The following ANKRD6 variants were observed in gnomAD, a reference collection of about 807,000 sequenced individuals.
ANKRD6 encodes ankyrin repeat domain 6, also known as ankyrin repeat domain-containing protein 6.
ANKRD6 carries 56 observed loss-of-function variants against 82.3 expected under a neutral mutation model. The observed-to-expected ratio is 0.68, with a 90% CI of 0.55 to 0.85. The LOEUF (loss-of-function observed/expected upper bound fraction) is 0.85, where lower values mean the gene tolerates loss of function less well. ANKRD6 is among the 40% of genes least tolerant of loss of function. The probability of loss-of-function intolerance (pLI) is 0.00; values close to 1 mark genes in which losing one functional copy is unlikely to be tolerated. For synonymous variants in ANKRD6, 347 were observed against 352.1 expected (o/e 0.99, Z 0.16); for missense variants, 852 against 907.6 (o/e 0.94, Z 0.79).
intron 1 of ANKRD6, among the ~76,000 whole-genome samples, chr6:89,477,725 T>C (rs1176581973): frequency 4.7e-5 from 7 of 148,044 alleles, no homozygotes; most frequent in Non-Finnish European, 8.9e-5. Context: ...GAGCCGAGAT[T>C]GTGCCACTGC....
intron 1 of ANKRD6, among the ~76,000 whole-genome samples, chr6:89,465,038 C>T (rs563643933): frequency 1.2e-4 from 18 of 152,132 alleles, no homozygotes; most frequent in African/African-American, 3.6e-4. Flanking sequence ...CTATTTGCTC[C>T]GAAAATTCTG....
chr6:89,537,536 A>G (rs1278202283), intron 1 of ANKRD6, among the ~76,000 whole-genome samples: 1 of 152,110 alleles, frequency 6.6e-6, no homozygotes, highest in Non-Finnish European at 1.5e-5. Flanking sequence ...AAGGAACTTA[A>G]TATGCTCTGA....
At chr6:89,598,833 G>C (rs1046736390) in intron 3 of ANKRD6, among the ~76,000 whole-genome samples, 1 of 152,126 alleles carries the variant, frequency 6.6e-6, no homozygotes, top group South Asian at 2.1e-4. Context: ...TGCTTTTGGG[G>C]CAGCTCTAGT....
chr6:89,454,656 C>A (rs1216787036), intron 1 of ANKRD6, among the ~76,000 whole-genome samples: 1 of 152,214 alleles, frequency 6.6e-6, no homozygotes, highest in African/African-American at 2.4e-5. Context: ...GTCATTGGGG[C>A]ACTGCTGTAG....
chr6:89,578,286 CTTTTTTTTTTTTTTTT>C (rs71024383), intron 2 of ANKRD6, among the ~76,000 whole-genome samples: 6 of 119,128 alleles, frequency 5.0e-5, no homozygotes, highest in East Asian at 4.9e-4. Context: ...CTCCCGCCTC[CTTTTTTTTTTTTTTTT>C]TTTTTTTTTT....
At chr6:89,626,924 A>T (rs985275228) in intron 13 of ANKRD6, among the ~76,000 whole-genome samples, 3 of 152,262 alleles carry the variant, frequency 2.0e-5, no homozygotes, top group African/African-American at 7.2e-5. Flanking sequence ...AGAGCCGGAT[A>T]AAAGCTCATT....
rs781508165 is a variant in ANKRD6, at chr6:89,596,010, A to G, written c.215A>G (p.Asp72Gly). The change falls in exon 3 of 16, where the codon GAT becomes GGT. Residue 72 changes from aspartate to glycine, a missense_variant. By Grantham distance (94) the Asp-to-Gly change is moderately conservative. Coordinates refer to ENST00000339746, the MANE Select transcript of ANKRD6 (RefSeq NM_001242809.2). ...LKAGCDLDVQDDGDQTALHRA... is the reference protein window; with the variant it reads ...LKAGCDLDVQGDGDQTALHRA... ...GCTGGCTGCGACCTTGATGTCCAGG[A>G]TGATGTGAGTAGAAGCCATCATTCT... 34 of 1,606,180 alleles carry G rather than the reference A, an allele frequency of 2.1e-5. 1 individual carries two copies. In the South Asian group the frequency reaches 3.8e-4, roughly 18 times the overall value.
chr6:89,582,922 A>T (rs917470128), intron 2 of ANKRD6, among the ~76,000 whole-genome samples: 10 of 152,226 alleles, frequency 6.6e-5, no homozygotes, highest in African/African-American at 2.4e-4. Context: ...AGCTCAACGG[A>T]TGGGAGTTGC....
chr6:89,470,644 T>C (rs1775332145), intron 1 of ANKRD6, among the ~76,000 whole-genome samples: 1 of 148,460 alleles, frequency 6.7e-6, no homozygotes, highest in Non-Finnish European at 1.5e-5. Context: ...GATGATGATG[T>C]ACTCCCCCTT....
intron 1 of ANKRD6, among the ~76,000 whole-genome samples, chr6:89,451,645 G>A (rs538984515): frequency 1.5e-4 from 23 of 152,144 alleles, no homozygotes; most frequent in Non-Finnish European, 3.1e-4. Context: ...GTGCATTTCT[G>A]TCATTGTACG....
chr6:89,602,797 C>A, intron 3 of ANKRD6: 2 of 513,584 alleles, frequency 3.9e-6, no homozygotes, highest in Non-Finnish European at 7.0e-6. Context: ...TTCTTGCTGT[C>A]GGCTTAAGGT....
intron 3 of ANKRD6, chr6:89,598,028 A>G (rs1796283546): frequency 1.2e-6 from 1 of 858,850 alleles, no homozygotes; most frequent in South Asian, 5.3e-5. Flanking sequence ...CCTGTCTTGG[A>G]TGGTGGGTAG....
chr6:89,618,920 T>C (rs1802296671), intron 9 of ANKRD6, among the ~76,000 whole-genome samples: 1 of 152,194 alleles, frequency 6.6e-6, no homozygotes, highest in Non-Finnish European at 1.5e-5. Context: ...CAGCAAACAC[T>C]GATTGGCTTT....
intron 1 of ANKRD6, among the ~76,000 whole-genome samples, chr6:89,536,275 CA>C (rs996638828): frequency 3.3e-5 from 5 of 152,208 alleles, no homozygotes; most frequent in Non-Finnish European, 7.3e-5. Flanking sequence ...TGGCCCACAG[CA>C]AAAAGCTCAA....
chr6:89,621,929 G>T lies in ANKRD6; in HGVS notation c.800G>T (p.Arg267Leu), dbSNP rs926915572. 3 of 1,613,842 alleles carry T rather than the reference G, an allele frequency of 1.9e-6. No individual in the cohort carries two copies. The African/African-American group carries it at 4.0e-5, about 22-fold the overall frequency. The change falls in exon 10 of 16, where the codon CGC becomes CTC. Residue 267 changes from arginine (R) to leucine (L), a missense_variant. Arg to Leu is a moderately radical substitution (Grantham distance 102). Coordinates refer to ENST00000339746, the MANE Select transcript of ANKRD6 (RefSeq NM_001242809.2). Reference sequence around the variant, plus strand: ...GCCGTTTGCCTCCTTCAGGTCTTGCGCTTCAGTCGTGGGCGAAGCCTGAGG... The same window carrying T: ...GCCGTTTGCCTCCTTCAGGTCTTGCTCTTCAGTCGTGGGCGAAGCCTGAGG... ...LLLTKAPQVL[R>L]FSRGRSLRKK...
intron 1 of ANKRD6, among the ~76,000 whole-genome samples, chr6:89,480,394 G>A (rs1427203051): frequency 2.0e-5 from 3 of 152,144 alleles, no homozygotes; most frequent in African/African-American, 4.8e-5. Context: ...GGAATGACAG[G>A]GTGCTCTGTC....
intron 1 of ANKRD6, among the ~76,000 whole-genome samples, chr6:89,504,570 TAA>T (rs35074313): frequency 4.8e-5 from 7 of 146,592 alleles, no homozygotes; most frequent in Admixed American, 6.8e-5. Context: ...CTGGTTAAAT[TAA>T]AAAAAAAAAA....
At chr6:89,517,458 C>T (rs1227690445) in intron 1 of ANKRD6, among the ~76,000 whole-genome samples, 1 of 152,108 alleles carries the variant, frequency 6.6e-6, no homozygotes, top group Admixed American at 6.5e-5. Flanking sequence ...TCAAGAAACT[C>T]ATTTGATGTT....
At chr6:89,587,592 GATT>G (rs1213471828) in intron 2 of ANKRD6, among the ~76,000 whole-genome samples, 2 of 152,144 alleles carry the variant, frequency 1.3e-5, no homozygotes, top group African/African-American at 4.8e-5. Flanking sequence ...TATCATTTAT[GATT>G]ATTATTATTT....
Sources: gnomAD v4.1 joint callset for allele counts (sites outside exome capture counted in the v4.1 genomes callset) on GRCh38, gnomAD v4.1.1 for gene constraint, MANE v1.5 for transcripts, NCBI Gene and HGNC (gene_info 2026-07-23, HGNC 2026-07-21) for gene names.